MYH3: variants seen among roughly 807,000 people sequenced by gnomAD.
The protein encoded by MYH3 is myosin-3.
MYH3 carries 130 observed loss-of-function variants against 238.0 expected under a neutral mutation model. The ratio of observed to expected loss-of-function variants is 0.55; its 90% CI spans 0.47 to 0.63. The LOEUF is 0.63. MYH3 is among the 30% of genes least tolerant of loss of function. The pLI is 0.00. For missense variants in MYH3, 1,853 were observed against 2,374.9 expected, an observed-to-expected ratio of 0.78 and a Z score of 4.57; for synonymous variants, 880 against 924.1, an observed-to-expected ratio of 0.95 and a Z score of 0.86.
chr17:10,651,747 G>GCT, intron 4 of MYH3, 79 bp from the exon 5 acceptor site: 6 of 745,256 alleles, frequency 8.1e-6, no homozygotes, highest in Middle Eastern at 5.2e-4. Context: ...TATTATTATT[G>GCT]TTTTTTTTTT....
In MYH3 at chr17:10,639,683, A is replaced by G. The variant is rs1284044577; in HGVS notation, c.2802T>C (p.Asn934=). Residue 934 remains asparagine, a synonymous_variant, in exon 23 of 41, where the codon AAT becomes AAC. Transcript: ENST00000583535. ...TERAEDEEEI[N]AELTAKKRKL... is the part of the protein sequence containing the mutation. Reference sequence around the variant, plus strand: ...TCCTCTTCTTGGCCGTCAGCTCAGCATTGATCTCCTCCTCATCTTCAGCTC... The same window carrying G: ...TCCTCTTCTTGGCCGTCAGCTCAGCGTTGATCTCCTCCTCATCTTCAGCTC... The G allele has an allele frequency of 3.7e-6, 6 of 1,614,032 alleles. No homozygotes were observed. Among genetic ancestry groups the G allele is most frequent in the Non-Finnish European group, 4.2e-6 (5 of 1,180,012 alleles).
At chr17:10,666,666 G>C in the MYH3 span, among the ~76,000 whole-genome samples, 1,140 of 152,142 alleles carry the variant, frequency 7.5e-3, 15 homozygotes, top group African/African-American at 0.026. Flanking sequence ...GGAGGCTGAG[G>C]GGGGAGGACT....
upstream of MYH3, among the ~76,000 whole-genome samples, chr17:10,661,136 C>T (rs370941112): frequency 6.6e-6 from 1 of 151,566 alleles, no homozygotes; most frequent in African/African-American, 2.4e-5. Context: ...GCCACCATGC[C>T]TGGCTAATTT....
intron 7 of MYH3, 33 bp from the exon 8 acceptor site, chr17:10,648,682 C>CAT (rs1567560807): frequency 6.9e-7 from 1 of 1,439,906 alleles, no homozygotes; most frequent in East Asian, 2.3e-5. Flanking sequence ...GAAGAGGAAA[C>CAT]ATTTTTTTTT....
intron 39 of MYH3, 51 bp from the exon 40 acceptor site, chr17:10,629,785 A>G (rs1420868073): frequency 6.2e-7 from 1 of 1,613,954 alleles, no homozygotes; most frequent in Non-Finnish European, 8.5e-7. Flanking sequence ...CTCTCTCAGA[A>G]CTCACCACGG....
At chr17:10,650,770 G>A (rs375510380) in intron 5 of MYH3, among the ~76,000 whole-genome samples, 45 of 151,998 alleles carry the variant, frequency 3.0e-4, no homozygotes, top group Admixed American at 7.9e-4. Flanking sequence ...ATTACTTATC[G>A]GAGTCACCAT....
rs1200215406 is a variant in MYH3 at position 10,640,519 on chromosome 17, C to T, written c.2289+44G>A. On this transcript the variant is annotated intron_variant, in intron 20 of 40. Transcript: ENST00000583535. ...AGTCAGTTTCCTAGAGAAGCTGTGT[C>T]AAGAGGACGAAAAGGCCAGCATCTG... The T allele has an allele frequency of 2.5e-6, 4 of 1,614,066 alleles. No homozygotes were observed. The Admixed American group carries it at 6.7e-5, about 27-fold the overall frequency.
upstream of MYH3, among the ~76,000 whole-genome samples, chr17:10,657,579 AC>A (rs1839531178): frequency 6.6e-6 from 1 of 151,944 alleles, no homozygotes; most frequent in South Asian, 2.1e-4. Context: ...GGATGGCCTC[AC>A]TCCAGGAGGA....
chr17:10,667,398 G>A, the MYH3 span, among the ~76,000 whole-genome samples: 1 of 152,112 alleles, frequency 6.6e-6, no homozygotes, highest in South Asian at 2.1e-4. Context: ...AAAAGAATCA[G>A]AGGCCGGGTG....
Position 10,642,747 on chromosome 17 carries a change from G to C in MYH3, c.1582-24C>G. On this transcript the variant is annotated intron_variant, in intron 15 of 40. Coordinates refer to ENST00000583535, the MANE Select transcript of MYH3 (RefSeq NM_002470.4). The surrounding 1 kb of genome is among the most constrained non-coding windows in gnomAD (Gnocchi z 5.4). ...GGCTGGATTGAAGGCAAGGCAAAGTGCAGAGAGGTAAATATGAGCTGCAGT... is the reference window on the plus strand; with the variant it reads ...GGCTGGATTGAAGGCAAGGCAAAGTCCAGAGAGGTAAATATGAGCTGCAGT... 1 of 1,614,226 alleles carries C rather than the reference G, an allele frequency of 6.2e-7. No individual in the cohort carries two copies. Among genetic ancestry groups the C allele is most frequent in the Non-Finnish European group, 8.5e-7 (1 of 1,180,054 alleles).
At chr17:10,661,586 T>C (rs1291414300), upstream of MYH3, among the ~76,000 whole-genome samples, 1 of 152,198 alleles carries the variant, frequency 6.6e-6, no homozygotes, top group African/African-American at 2.4e-5. Context: ...GTCTCAAGAA[T>C]GCAGGCCGGC....
rs775785344 is a variant in MYH3 at position 10,639,093 on chromosome 17, T to C, written c.3199A>G (p.Ile1067Val). Reference protein sequence around the residue: ...EGDLKLAQESILDLENDKQQL... With the variant: ...EGDLKLAQESVLDLENDKQQL... The stretch of plus-strand genomic sequence containing the variant: ...TGCTTGTCATTCTCCAGATCTAATA[T>C]GGACTCTTGAGCAAGCTTCAAGTCT... Residue 1067 changes from isoleucine (I) to valine (V), a missense_variant, in exon 25 of 41, where the codon ATA becomes GTA. Physicochemically the swap from Ile to Val is conservative, Grantham distance 29. Transcript: ENST00000583535. The C allele has an allele frequency of 3.7e-6, 6 of 1,614,240 alleles. No individual in the cohort carries two copies. The highest frequency in any genetic ancestry group is 2.7e-5 in the African/African-American group (2 of 75,070).
At chr17:10,665,960 T>C in the MYH3 span, among the ~76,000 whole-genome samples, 5 of 152,114 alleles carry the variant, frequency 3.3e-5, no homozygotes, top group Admixed American at 3.3e-4. Flanking sequence ...CGGATACTTA[T>C]GGAAATGTGA....
rs747033443 is a variant in MYH3, at chr17:10,628,671, GA to G, written c.5804del (p.Val1935AlafsTer24). 1 of 1,614,164 alleles carries G rather than the reference GA, an allele frequency of 6.2e-7. No homozygotes were observed. The highest frequency in any genetic ancestry group is 1.7e-5 in the Admixed American group (1 of 60,012). On this transcript the variant is annotated frameshift_variant, in exon 41 of 41. Transcript: ENST00000583535. LOFTEE classifies it high-confidence loss of function. The stretch of plus-strand genomic sequence containing the variant: ...GGCTGGCTCACTCTTCACTCTCGTG[GA>G]CCACCATCTAGGAAGAAAGTAGGCA... The part of the protein sequence containing the change: ...TRDFTSSRMV[V>X]HESEE
Position 10,628,563 on chromosome 17 carries a change from A to T in MYH3, c.*90T>A, listed in dbSNP as rs1311933543. ...CAAAGCAAAGTTTATTGCATGTGAA[A>T]AAGAGTCACATGGACATTAAGTATC... On this transcript the variant is annotated 3_prime_UTR_variant, in exon 41 of 41. Transcript: ENST00000583535. 7.0e-7 allele frequency: 1 copy of T among 1,429,702 alleles called. No homozygotes were observed. Among genetic ancestry groups the T allele is most frequent in the African/African-American group, 1.4e-5 (1 of 71,182 alleles). 88.6% of individuals were successfully genotyped at this position (1,429,702 alleles called of 1,614,324 possible).
Position 10,639,755 on chromosome 17 carries a change from G to A in MYH3, c.2730C>T (p.Ile910=), listed in dbSNP as rs1294177586. The part of the protein sequence containing the change: ...LDAEERCDQL[I]KAKFQLEAKI... The stretch of plus-strand genomic sequence containing the variant: ...TGGCCTCGAGCTGGAATTTGGCTTT[G>A]ATCAGCTGATCGCATCTTTCCTCAG... The change falls in exon 23 of 41, where the codon ATC becomes ATT. Residue 910 remains isoleucine, a synonymous_variant. Transcript: ENST00000583535. 3.7e-6 allele frequency: 6 copies of A among 1,613,474 alleles called. No individual in the cohort carries two copies. In the East Asian group the frequency reaches 8.9e-5, roughly 24 times the overall value.
chr17:10,650,306 C>T, intron 6 of MYH3, 68 bp downstream of exon 6: 2 of 1,500,758 alleles, frequency 1.3e-6, no homozygotes, highest in Non-Finnish European at 1.9e-6. Flanking sequence ...CTGCTCCAAA[C>T]ACTTTCTAAT....
rs770223770 is a variant in MYH3, at chr17:10,628,676, C to T, written c.5800G>A (p.Val1934Met). ...GCTCACTCTTCACTCTCGTGGACCACCATCTAGGAAGAAAGTAGGCACCTG... is the reference window on the plus strand; with the variant it reads ...GCTCACTCTTCACTCTCGTGGACCATCATCTAGGAAGAAAGTAGGCACCTG... ...KTRDFTSSRM[V>M]VHESEE Residue 1934 changes from valine (V) to methionine (M), a missense_variant, in exon 41 of 41, where the codon GTG (valine) becomes ATG (methionine). Transcript: ENST00000583535. The T allele has an allele frequency of 6.2e-6, 10 of 1,614,162 alleles. No homozygotes were observed. Among genetic ancestry groups the T allele is most frequent in the Non-Finnish European group, 8.5e-6 (10 of 1,180,020 alleles).
At position 10,636,288 on chromosome 17, in the gene MYH3, C is replaced by CAA. The variant is rs397786526; in HGVS notation, c.3857-437_3857-436dup. On this transcript the variant is annotated intron_variant, in intron 28 of 40. Coordinates refer to ENST00000583535, the MANE Select transcript of MYH3 (RefSeq NM_002470.4). ...GTGAGCCAAGATCATGCCTCAATCT[C>CAA]AAAAAAAAAAAAAAAAAAAAAGATA... Among the ~76,000 whole-genome samples, 467 of 80,572 alleles carry CAA rather than the reference C, an allele frequency of 5.8e-3. 7 individuals carry two copies. Among genetic ancestry groups the CAA allele is most frequent in the East Asian group, 0.023 (45 of 1,986 alleles). The allele number at this position is 80,572 out of a possible 152,430, so 52.9% of individuals were successfully genotyped here. A position where few individuals can be genotyped will look rare whatever the true frequency, so the allele number is the denominator to read the frequency against.
Sources: gnomAD v4.1 joint callset for allele counts (sites outside exome capture counted in the v4.1 genomes callset) on GRCh38, gnomAD v4.1.1 for gene constraint, Gnocchi (gnomAD v3.1) non-coding constraint, MANE v1.5 for transcripts, NCBI Gene and HGNC (gene_info 2026-07-23, HGNC 2026-07-21) for gene names.